The following ANK3 variants were observed in gnomAD, a reference collection of about 807,000 sequenced individuals.
The protein encoded by ANK3 is ankyrin 3, also known as ankyrin-3.
Under a neutral mutation model 370.9 loss-of-function variants are expected in ANK3, and 57 were observed. The ratio of observed to expected loss-of-function variants is 0.15; its 90% CI spans 0.12 to 0.19. The LOEUF is 0.19. Ranked by LOEUF, ANK3 falls within the 10% of genes least tolerant of loss-of-function variation. The pLI is 1.00. For synonymous variants in ANK3, 1,929 were observed against 1,946.3 expected, an observed-to-expected ratio of 0.99 and a Z score of 0.23; for missense variants, 4,439 against 5,302.1, an observed-to-expected ratio of 0.84 and a Z score of 5.06.
chr10:60,087,196 C>A (rs1034393223), intron 29 of ANK3, among the ~76,000 whole-genome samples: 1 of 152,054 alleles, frequency 6.6e-6, no homozygotes, highest in Non-Finnish European at 1.5e-5. Flanking sequence ...GATTAAAGGA[C>A]AATAAATGCT....
chr10:60,653,986 A>C (rs1564494607), intron 1 of ANK3, among the ~76,000 whole-genome samples: 2 of 152,086 alleles, frequency 1.3e-5, no homozygotes, highest in Non-Finnish European at 2.9e-5. Context: ...ATATCTCTCC[A>C]TTTGTTTGAG....
intron 5 of ANK3, among the ~76,000 whole-genome samples, chr10:60,269,793 A>G (rs1405251020): frequency 1.3e-5 from 2 of 152,200 alleles, no homozygotes; most frequent in African/African-American, 4.8e-5. Context: ...TTGAAAAGAT[A>G]GTTCACATCA....
At chr10:60,240,167 T>TATACGC (rs1565916251) in intron 7 of ANK3, among the ~76,000 whole-genome samples, 1 of 129,188 alleles carries the variant, frequency 7.7e-6, no homozygotes, top group African/African-American at 3.4e-5. Flanking sequence ...TATATACACA[T>TATACGC]ATATATACAT....
chr10:60,111,659 G>A lies in ANK3; in HGVS notation c.2948+2566C>T, dbSNP rs913186069. The A allele has an allele frequency of 7.3e-5, 32 of 441,080 alleles. No homozygotes were observed. In the East Asian group the frequency reaches 8.4e-4, roughly 12 times the overall value. The allele number at this position is 441,080 out of a possible 1,614,324, so 27.3% of individuals were successfully genotyped here. On this transcript the variant is annotated intron_variant, in intron 26 of 43. Coordinates refer to ENST00000280772, the MANE Select transcript of ANK3 (RefSeq NM_020987.5). ...GCTGATATACTACAGACATTGACAC[G>A]ATCTAACTATGGCAAAAATTCACAT...
rs115855268 is a variant in ANK3 at position 60,199,920 on chromosome 10, C to T, written c.1491+209G>A. Among the ~76,000 whole-genome samples, 758 of 152,300 alleles carry T rather than the reference C, an allele frequency of 5.0e-3. 9 individuals are homozygous for T. Among genetic ancestry groups the T allele is most frequent in the African/African-American group, 0.018 (731 of 41,566 alleles). The stretch of plus-strand genomic sequence containing the variant: ...CAGTTTCAGGCACAAGTTCTCATCT[C>T]ATCCTATTTCATTTTGTTAAATAAT... On this transcript the variant is annotated intron_variant, in intron 13 of 43. Coordinates refer to ENST00000280772, the MANE Select transcript of ANK3 (RefSeq NM_020987.5).
intron 1 of ANK3, among the ~76,000 whole-genome samples, chr10:60,349,691 G>T (rs10821738): frequency 1.3e-5 from 2 of 151,962 alleles, no homozygotes; most frequent in African/African-American, 2.4e-5. Context: ...AGAAACAGAG[G>T]AGAGGATATA....
chr10:60,435,616 A>G (rs2064136227), intron 2 of ANK3, among the ~76,000 whole-genome samples: 1 of 152,166 alleles, frequency 6.6e-6, no homozygotes, highest in African/African-American at 2.4e-5. Context: ...CCAAAACAAA[A>G]CAAAAACACA....
At chr10:60,531,706 C>T (rs1358251725) in intron 2 of ANK3, among the ~76,000 whole-genome samples, 1 of 151,964 alleles carries the variant, frequency 6.6e-6, no homozygotes, top group Non-Finnish European at 1.5e-5. Flanking sequence ...TGGTACAAGT[C>T]TTGGTGAGCT....
At chr10:60,048,544 G>A (rs144224900) in intron 42 of ANK3, among the ~76,000 whole-genome samples, 23 of 152,268 alleles carry the variant, frequency 1.5e-4, no homozygotes, top group African/African-American at 5.3e-4. Flanking sequence ...ATATAAAATG[G>A]TGCAGTATTT....
chr10:60,330,081 A>G lies in ANK3; in HGVS notation c.115-50442T>C, dbSNP rs185737867. 4.1e-4 allele frequency among the ~76,000 whole-genome samples: 63 copies of G among 152,386 alleles called. 1 individual carries two copies. The Middle Eastern group carries it at 0.027, about 66-fold the overall frequency. On this transcript the variant is annotated intron_variant, in intron 1 of 43. Transcript: ENST00000280772. The stretch of plus-strand genomic sequence containing the variant: ...ATGACGTTGGGAAAACTGGCTAGCC[A>G]TATGCAGAAAACTGAAACTGAACCC...
At chr10:60,355,843 C>T (rs890885848) in intron 1 of ANK3, among the ~76,000 whole-genome samples, 8 of 122,556 alleles carry the variant, frequency 6.5e-5, no homozygotes, top group Non-Finnish European at 1.6e-4. Flanking sequence ...AAAAATGAGG[C>T]CAGTAAGGAT....
At chr10:60,236,221 T>C (rs2097330528) in intron 7 of ANK3, among the ~76,000 whole-genome samples, 1 of 152,168 alleles carries the variant, frequency 6.6e-6, no homozygotes, top group South Asian at 2.1e-4. Flanking sequence ...ATTTTACCCA[T>C]AAATACTGCA....
chr10:60,233,437 T>C (rs540965841), intron 8 of ANK3, among the ~76,000 whole-genome samples: 1 of 152,300 alleles, frequency 6.6e-6, no homozygotes, highest in African/African-American at 2.4e-5. Context: ...ATTTTTTAAT[T>C]AAAAAATGTT....
At chr10:60,336,372 T>C (rs2052881494) in intron 1 of ANK3, among the ~76,000 whole-genome samples, 2 of 152,172 alleles carry the variant, frequency 1.3e-5, no homozygotes, top group African/African-American at 4.8e-5. Flanking sequence ...ACCCCTCAAT[T>C]CAGTAAATCA....
chr10:60,730,900 G>C (rs952531744), intron 1 of ANK3, among the ~76,000 whole-genome samples: 4 of 152,296 alleles, frequency 2.6e-5, no homozygotes, highest in African/African-American at 7.2e-5. Context: ...AATCAATCTT[G>C]TGTAAAAGTG....
At chr10:60,644,948 T>C (rs1413676943) in intron 1 of ANK3, among the ~76,000 whole-genome samples, 1 of 142,974 alleles carries the variant, frequency 7.0e-6, no homozygotes, top group Non-Finnish European at 1.5e-5. Flanking sequence ...AATTTAAACA[T>C]AAAACTCAGG....
intron 2 of ANK3, among the ~76,000 whole-genome samples, chr10:60,460,188 C>T (rs753845341): frequency 7.2e-5 from 11 of 152,100 alleles, no homozygotes; most frequent in Non-Finnish European, 8.8e-5. Context: ...AGAAGCCAAG[C>T]AGCAGAAACA....
At chr10:60,044,416 A>C in intron 42 of ANK3, 1 of 775,114 alleles carries the variant, frequency 1.3e-6, no homozygotes, top group Non-Finnish European at 1.6e-6. Context: ...TCCAAACACC[A>C]CACACATGCT....
chr10:60,562,408 C>T lies in ANK3; in HGVS notation c.96+52778G>A, dbSNP rs371953208. 6.4e-5 allele frequency among the ~76,000 whole-genome samples: 9 copies of T among 141,288 alleles called. 1 individual carries two copies. Among genetic ancestry groups the T allele is most frequent in the Admixed American group, 3.6e-4 (5 of 13,934 alleles). 92.7% of individuals were successfully genotyped at this position (141,288 alleles called of 152,430 possible). A position where few individuals can be genotyped will look rare whatever the true frequency, so the allele number is the denominator to read the frequency against. ...ATATGTCTTAAGGGAGCATTTGTTT[C>T]GGGGGGGGCATCCGTGGGGTAGGGG... On this transcript the variant is annotated intron_variant, in intron 2 of 43. Transcript: ENST00000373827.
Sources: allele counts gnomAD v4.1 joint callset (sites outside exome capture counted in the v4.1 genomes callset), GRCh38; gene constraint gnomAD v4.1.1; transcripts MANE v1.5; gene names NCBI Gene and HGNC (gene_info 2026-07-23, HGNC 2026-07-21).